Variants in CA10 observed in about 807,000 individuals in gnomAD.
CA10 encodes the protein carbonic anhydrase 10 (inactive), also known as carbonic anhydrase-related protein 10.
In CA10, 14 loss-of-function variants were observed where a neutral mutation model predicts 44.2. The observed-to-expected ratio is 0.32, with a 90% CI of 0.21 to 0.50. The LOEUF is 0.50. Ranked by LOEUF, CA10 falls within the 20% of genes least tolerant of loss-of-function variation. CA10 has a pLI of 0.99. For synonymous variants in CA10, 159 were observed against 141.6 expected (o/e 1.12, Z -0.87); for missense variants, 350 against 409.7 (o/e 0.85, Z 1.26).
At chr17:52,075,495 G>T (rs948786943) in intron 1 of CA10, among the ~76,000 whole-genome samples, 1 of 152,172 alleles carries the variant, frequency 6.6e-6, no homozygotes, top group African/African-American at 2.4e-5. Flanking sequence ...GACATGCTTT[G>T]TGTGTATATG....
At chr17:51,825,051 A>T (rs1598064750) in intron 3 of CA10, among the ~76,000 whole-genome samples, 1 of 152,274 alleles carries the variant, frequency 6.6e-6, no homozygotes, top group Non-Finnish European at 1.5e-5. Flanking sequence ...AACAAAAATG[A>T]AAGAGCTGAA....
chr17:52,071,117 T>C (rs1987668913), intron 2 of CA10, among the ~76,000 whole-genome samples: 1 of 152,200 alleles, frequency 6.6e-6, no homozygotes, highest in Admixed American at 6.5e-5. Context: ...CACATGAACA[T>C]AGCTTGTGCC....
chr17:52,018,405 TC>T (rs1334090000), intron 2 of CA10, among the ~76,000 whole-genome samples: 5 of 152,072 alleles, frequency 3.3e-5, no homozygotes, highest in African/African-American at 1.2e-4. Flanking sequence ...TAGGAGGCCA[TC>T]CCTCATACCC....
At chr17:51,913,840 G>C (rs1406375820) in intron 3 of CA10, among the ~76,000 whole-genome samples, 1 of 152,124 alleles carries the variant, frequency 6.6e-6, no homozygotes, top group African/African-American at 2.4e-5. Flanking sequence ...CTTGGGAACT[G>C]AGGGTCACCC....
chr17:51,760,426 T>C (rs1409974093), intron 3 of CA10, among the ~76,000 whole-genome samples: 1 of 152,050 alleles, frequency 6.6e-6, no homozygotes, highest in East Asian at 1.9e-4. Flanking sequence ...GGTAAATCAG[T>C]GAGACAGGCC....
chr17:52,103,509 T>G (rs1988588728), intron 1 of CA10, among the ~76,000 whole-genome samples: 1 of 152,126 alleles, frequency 6.6e-6, no homozygotes, highest in African/African-American at 2.4e-5. Flanking sequence ...CTGGGTAAGC[T>G]CCCTCCTAAT....
intron 3 of CA10, among the ~76,000 whole-genome samples, chr17:51,843,340 G>A (rs964953065): frequency 8.5e-5 from 13 of 152,316 alleles, no homozygotes; most frequent in African/African-American, 3.1e-4. Flanking sequence ...TAATTACACA[G>A]CCTTTGAATA....
chr17:51,996,348 T>TC (rs5820896), intron 2 of CA10, among the ~76,000 whole-genome samples: 150,282 of 152,082 alleles, frequency 0.99, 74,275 homozygotes, highest in East Asian at 1. Flanking sequence ...ATCTCTTCTG[T>TC]AATGAACTAG....
chr17:52,012,612 G>T (rs1168377708), intron 2 of CA10, among the ~76,000 whole-genome samples: 1 of 151,954 alleles, frequency 6.6e-6, no homozygotes, highest in Non-Finnish European at 1.5e-5. Flanking sequence ...GTTAAACTAT[G>T]TTCAGTACGT....
chr17:52,105,292 T>C (rs1988634962), intron 1 of CA10, among the ~76,000 whole-genome samples: 1 of 152,014 alleles, frequency 6.6e-6, no homozygotes, highest in Admixed American at 6.5e-5. Flanking sequence ...CTTGGCTCTG[T>C]CGCCCAGGCT....
upstream of CA10, among the ~76,000 whole-genome samples, chr17:52,158,990 G>T (rs1229136490): frequency 1.3e-5 from 2 of 152,088 alleles, no homozygotes; most frequent in Admixed American, 6.5e-5. Flanking sequence ...CCGCCGCCTC[G>T]GCCCCAGTCC....
intron 2 of CA10, among the ~76,000 whole-genome samples, chr17:52,012,811 G>A (rs1410788384): frequency 7.1e-6 from 1 of 140,628 alleles, no homozygotes; most frequent in Non-Finnish European, 1.5e-5. Flanking sequence ...AAAGGAAATG[G>A]AAATGTGTTA....
rs145037275 is a variant in CA10, at chr17:52,106,828, T to C, written c.62-34435A>G. Among the ~76,000 whole-genome samples the C allele has an allele frequency of 4.1e-3, 625 of 152,342 alleles. 5 individuals carry two copies. Among genetic ancestry groups the C allele is most frequent in the African/African-American group, 0.014 (595 of 41,588 alleles). ...GCCCACGGCTCAGATTGTATTAACTTGATCGCCCTCTACTGGCCACATGCT... is the reference window on the plus strand; with the variant it reads ...GCCCACGGCTCAGATTGTATTAACTCGATCGCCCTCTACTGGCCACATGCT... On this transcript the variant is annotated intron_variant, in intron 1 of 8. Transcript: ENST00000451037.
intron 4 of CA10, among the ~76,000 whole-genome samples, chr17:51,677,203 C>G (rs1467573527): frequency 6.6e-6 from 1 of 152,024 alleles, no homozygotes; most frequent in African/African-American, 2.4e-5. Flanking sequence ...GTGTCCCCAC[C>G]CAAATCTCAT....
At chr17:52,100,067 G>T (rs1017657849) in intron 1 of CA10, among the ~76,000 whole-genome samples, 7 of 152,196 alleles carry the variant, frequency 4.6e-5, no homozygotes, top group African/African-American at 1.7e-4. Flanking sequence ...TATGTGAACG[G>T]AGTGAAGAGA....
intron 1 of CA10, among the ~76,000 whole-genome samples, chr17:52,083,137 T>C (rs1039548411): frequency 3.2e-4 from 48 of 152,274 alleles, no homozygotes; most frequent in African/African-American, 1.1e-3. Flanking sequence ...CTACTGGTAA[T>C]TCCTAAAATC....
rs2970044 is a variant in CA10, at chr17:52,073,571, A to T, written c.62-1178T>A. Among the ~76,000 whole-genome samples, 5 of 152,288 alleles carry T rather than the reference A, an allele frequency of 3.3e-5. No individual in the cohort carries two copies. The East Asian group carries it at 9.7e-4, about 29-fold the overall frequency. ...GCTTAGGGGACTTTAAAAACAAATA[A>T]AAGAGAGACAAAGAGCTTATTTAAG... On this transcript the variant is annotated intron_variant, in intron 1 of 8. Coordinates refer to ENST00000451037, the MANE Select transcript of CA10 (RefSeq NM_020178.5).
intron 2 of CA10, among the ~76,000 whole-genome samples, chr17:51,971,821 A>G (rs1003341512): frequency 1.3e-5 from 2 of 152,032 alleles, no homozygotes; most frequent in African/African-American, 4.8e-5. Flanking sequence ...CTAAGCTAGT[A>G]TAACGTATAT....
chr17:51,898,989 CA>C (rs1981195449), intron 3 of CA10, among the ~76,000 whole-genome samples: 1 of 151,422 alleles, frequency 6.6e-6, no homozygotes, highest in Non-Finnish European at 1.5e-5. Context: ...TTTGTTCTTT[CA>C]AAAAAACCTC....
Sources: allele counts gnomAD v4.1 joint callset (sites outside exome capture counted in the v4.1 genomes callset), GRCh38; gene constraint gnomAD v4.1.1; transcripts MANE v1.5; gene names NCBI Gene and HGNC (gene_info 2026-07-23, HGNC 2026-07-21).